EEFSEC: variants seen among roughly 807,000 people sequenced by gnomAD.
EEFSEC encodes the protein eukaryotic elongation factor, selenocysteine-tRNA specific.
EEFSEC carries 43 observed loss-of-function variants against 42.1 expected under a neutral mutation model. The observed-to-expected ratio is 1.02, with a 90% CI of 0.80 to 1.32. EEFSEC has a LOEUF of 1.32. EEFSEC is among the 40% of genes most tolerant of loss of function. EEFSEC has a pLI of 0.00. For missense variants in EEFSEC, 745 were observed against 803.6 expected (o/e 0.93, Z 0.88); for synonymous variants, 354 against 339.1 (o/e 1.04, Z -0.48).
chr3:128,155,390 T>C (rs9868081), intron 1 of EEFSEC, among the ~76,000 whole-genome samples: 6,263 of 152,224 alleles, frequency 0.041, 431 homozygotes, highest in African/African-American at 0.14. Flanking sequence ...GGATTACAGG[T>C]GTGAGCCACT....
chr3:128,189,314 G>C (rs1177469499), intron 1 of EEFSEC, among the ~76,000 whole-genome samples: 2 of 152,152 alleles, frequency 1.3e-5, no homozygotes, highest in Non-Finnish European at 1.5e-5. Flanking sequence ...ATATGATGGT[G>C]GTCCCATAAG....
intron 1 of EEFSEC, among the ~76,000 whole-genome samples, chr3:128,216,618 G>C (rs6439121): frequency 0.71 from 107,863 of 152,186 alleles, 38,471 homozygotes; most frequent in East Asian, 0.89. Context: ...CTGATGGCTG[G>C]CCGTACATGG....
At chr3:128,170,699 T>A (rs13067650) in intron 1 of EEFSEC, among the ~76,000 whole-genome samples, 20,717 of 152,174 alleles carry the variant, frequency 0.14, 1,561 homozygotes, top group African/African-American at 0.2. Context: ...TTTTTCCCTC[T>A]AGAATCAAAT....
At chr3:128,172,251 C>T (rs1456649977) in intron 1 of EEFSEC, among the ~76,000 whole-genome samples, 5 of 152,190 alleles carry the variant, frequency 3.3e-5, no homozygotes, top group African/African-American at 9.7e-5. Flanking sequence ...CTGAAAACAG[C>T]AGTGGTAGCA....
intron 4 of EEFSEC, among the ~76,000 whole-genome samples, chr3:128,273,918 T>C (rs1266505826): frequency 6.6e-6 from 1 of 152,162 alleles, no homozygotes. Context: ...TCAAGCCTGG[T>C]GTAAGCATCT....
At chr3:128,286,750 G>A (rs2066590466) in intron 4 of EEFSEC, among the ~76,000 whole-genome samples, 1 of 152,196 alleles carries the variant, frequency 6.6e-6, no homozygotes, top group East Asian at 1.9e-4. Context: ...CCTTGCTGCT[G>A]GGGCATCATT....
chr3:128,170,303 C>T (rs564699482), intron 1 of EEFSEC, among the ~76,000 whole-genome samples: 34 of 152,334 alleles, frequency 2.2e-4, no homozygotes, highest in African/African-American at 7.5e-4. Context: ...TGGCTCACGC[C>T]TGTAATCCCA....
At chr3:128,286,702 T>C (rs2066590003) in intron 4 of EEFSEC, among the ~76,000 whole-genome samples, 1 of 152,218 alleles carries the variant, frequency 6.6e-6, no homozygotes, top group Non-Finnish European at 1.5e-5. Flanking sequence ...GCCTGACACC[T>C]TCTATAGGAG....
chr3:128,198,735 G>C (rs559811458), intron 1 of EEFSEC, among the ~76,000 whole-genome samples: 2 of 152,154 alleles, frequency 1.3e-5, no homozygotes, highest in South Asian at 4.1e-4. Flanking sequence ...CAATGCAGAG[G>C]GAGGGAACCT....
At chr3:128,235,866 G>A (rs201936553) in intron 1 of EEFSEC, among the ~76,000 whole-genome samples, 1 of 151,946 alleles carries the variant, frequency 6.6e-6, no homozygotes, top group African/African-American at 2.4e-5. Flanking sequence ...GCCATTTGCC[G>A]TTGTGCTGCT....
chr3:128,245,827 A>C (rs993494819), intron 1 of EEFSEC, among the ~76,000 whole-genome samples: 12 of 152,088 alleles, frequency 7.9e-5, no homozygotes, highest in African/African-American at 2.9e-4. Flanking sequence ...GTGCCCGAAA[A>C]AAGAAAGGCC....
At chr3:128,217,680 C>T (rs961888594) in intron 1 of EEFSEC, among the ~76,000 whole-genome samples, 1 of 152,130 alleles carries the variant, frequency 6.6e-6, no homozygotes, top group African/African-American at 2.4e-5. Flanking sequence ...GGCATAGCAC[C>T]AGCCCCCCCT....
intron 4 of EEFSEC, among the ~76,000 whole-genome samples, chr3:128,292,377 T>C (rs1313189242): frequency 1.3e-5 from 2 of 151,944 alleles, no homozygotes; most frequent in Non-Finnish European, 2.9e-5. Context: ...TCTGAAATAA[T>C]ATGTTTAAAG....
chr3:128,347,686 G>C (rs970623210), intron 5 of EEFSEC, among the ~76,000 whole-genome samples: 2 of 152,128 alleles, frequency 1.3e-5, no homozygotes, highest in African/African-American at 2.4e-5. Flanking sequence ...AAATGCTAAC[G>C]CTGAGAGATT....
At chr3:128,283,603 TC>T (rs2066552440) in intron 4 of EEFSEC, among the ~76,000 whole-genome samples, 1 of 152,180 alleles carries the variant, frequency 6.6e-6, no homozygotes, top group Non-Finnish European at 1.5e-5. Flanking sequence ...TCTAGCCTTG[TC>T]CTGGGGCCGA....
chr3:128,309,737 A>C (rs1234697948), intron 4 of EEFSEC, among the ~76,000 whole-genome samples: 1 of 152,016 alleles, frequency 6.6e-6, no homozygotes, highest in South Asian at 2.1e-4. Context: ...AGAAACCCCT[A>C]CTCCTTCAGG....
intron 6 of EEFSEC, among the ~76,000 whole-genome samples, chr3:128,375,185 C>T (rs1006703573): frequency 9.2e-5 from 14 of 152,186 alleles, no homozygotes; most frequent in Non-Finnish European, 1.5e-4. Context: ...CCTGTGAGTT[C>T]GAGTGTGTTT....
downstream of EEFSEC, among the ~76,000 whole-genome samples, chr3:128,412,890 A>G (rs960501272): frequency 1.3e-5 from 2 of 152,106 alleles, no homozygotes; most frequent in African/African-American, 2.4e-5. Context: ...TGGGGGCGCT[A>G]TGAACAATGT....
At chr3:128,159,985 A>G (rs952862733) in intron 1 of EEFSEC, among the ~76,000 whole-genome samples, 2 of 152,184 alleles carry the variant, frequency 1.3e-5, no homozygotes, top group African/African-American at 4.8e-5. Flanking sequence ...TGTCTCATTC[A>G]CCAGTGTTCT....
Sources: allele counts gnomAD v4.1 joint callset (sites outside exome capture counted in the v4.1 genomes callset), GRCh38; gene constraint gnomAD v4.1.1; transcripts MANE v1.5; gene names NCBI Gene and HGNC (gene_info 2026-07-23, HGNC 2026-07-21).